ASMTL: variants seen among roughly 807,000 people sequenced by gnomAD.
ASMTL encodes the protein probable bifunctional dTTP/UTP pyrophosphatase/methyltransferase protein.
In ASMTL, 57 loss-of-function variants were observed where a neutral mutation model predicts 60.3. The observed-to-expected ratio is 0.95, with a 90% CI of 0.76 to 1.18. The LOEUF is 1.18. Among genes scored for constraint, ASMTL ranks in the 50% most tolerant of loss-of-function variants. ASMTL has a pLI of 0.00. For missense variants in ASMTL, 981 were observed against 852.6 expected, an observed-to-expected ratio of 1.15 and a Z score of -1.88; for synonymous variants, 419 against 373.0, an observed-to-expected ratio of 1.12 and a Z score of -1.42.
At chrX:1,420,810 T>C (rs5989859) in intron 9 of ASMTL, among the ~76,000 whole-genome samples, 53,526 of 152,042 alleles carry the variant, frequency 0.35, 10,655 homozygotes, top group South Asian at 0.63. Flanking sequence ...ATTTCTATTT[T>C]TCAGACAGAG....
intron 12 of ASMTL, among the ~76,000 whole-genome samples, chrX:1,407,615 G>A (rs2089915064): frequency 6.6e-6 from 1 of 152,096 alleles, no homozygotes; most frequent in Admixed American, 6.6e-5. Flanking sequence ...CAGACGCAGT[G>A]GCTCACACCT....
intron 3 of ASMTL, among the ~76,000 whole-genome samples, chrX:1,437,757 C>T (rs548919807): frequency 3.3e-5 from 5 of 150,788 alleles, no homozygotes; most frequent in African/African-American, 9.7e-5. Flanking sequence ...ATTAGCCACA[C>T]GTGGTCGCGC....
At chrX:1,415,867 CAT>C (rs1466989876) in intron 11 of ASMTL, among the ~76,000 whole-genome samples, 9 of 151,980 alleles carry the variant, frequency 5.9e-5, no homozygotes, top group African/African-American at 1.9e-4. Context: ...GGCACACACA[CAT>C]ATACCCATCC....
chrX:1,426,132 G>A (rs1490887944), intron 7 of ASMTL, among the ~76,000 whole-genome samples: 1 of 152,046 alleles, frequency 6.6e-6, no homozygotes, highest in Non-Finnish European at 1.5e-5. Flanking sequence ...ACACAGGGAC[G>A]ACCCTGTGAG....
chrX:1,410,765 C>T (rs1359348440), intron 12 of ASMTL, among the ~76,000 whole-genome samples: 3 of 148,686 alleles, frequency 2.0e-5, no homozygotes, highest in South Asian at 2.2e-4. Context: ...TGATGCATGC[C>T]TGTACTTCCA....
intron 11 of ASMTL, among the ~76,000 whole-genome samples, chrX:1,413,364 AAGC>A (rs1290117263): frequency 3.9e-5 from 6 of 152,154 alleles, no homozygotes; most frequent in Non-Finnish European, 5.9e-5. Context: ...GGGAGGAAAA[AAGC>A]AGGGAATTCA....
chrX:1,432,035 A>T (rs1183974002), intron 6 of ASMTL: 2 of 578,326 alleles, frequency 3.5e-6, no homozygotes, highest in Non-Finnish European at 6.2e-6. Context: ...ACCGCAGCCC[A>T]GCGTTGGCTC....
intron 2 of ASMTL, chrX:1,441,595 T>C (rs747956186): frequency 6.6e-6 from 1 of 152,492 alleles, no homozygotes; most frequent in African/African-American, 2.4e-5. Flanking sequence ...TTATAATACA[T>C]AGTAATAGAT....
chrX:1,450,176 C>A (rs1281763121), intron 1 of ASMTL, among the ~76,000 whole-genome samples: 1 of 151,616 alleles, frequency 6.6e-6, no homozygotes, highest in South Asian at 2.1e-4. Flanking sequence ...CCAGTAACTA[C>A]CCCCCATCAC....
Position 1,442,199 on chromosome X carries a change from T to G in ASMTL, c.212A>C (p.Asn71Thr), listed in dbSNP as rs200883990. 1 of 1,613,756 alleles carries G rather than the reference T, an allele frequency of 6.2e-7. No individual in the cohort carries two copies. Among genetic ancestry groups the G allele is most frequent in the African/African-American group, 1.3e-5 (1 of 75,030 alleles). Reference protein sequence around the residue: ...TAKQKALEVANRLYQKDLRAP... With the variant: ...TAKQKALEVATRLYQKDLRAP... ...GGGGCCCCTTGCCTGGTACAGCCGG[T>G]TGGCCACCTCCAGGGCCTTCTGCTT... Residue 71 changes from asparagine (N) to threonine (T), a missense_variant, in exon 2 of 13, where the codon AAC (asparagine) becomes ACC (threonine). By Grantham distance (65) the Asn-to-Thr change is moderately conservative. Transcript: ENST00000381317.
At position 1,442,256 on chromosome X, in the gene ASMTL, G is replaced by A. The variant is rs1214454821; in HGVS notation, c.155C>T (p.Ala52Val). 6.2e-7 allele frequency: 1 copy of A among 1,613,904 alleles called. No homozygotes were observed. Among genetic ancestry groups the A allele is most frequent in the Admixed American group, 1.7e-5 (1 of 60,014 alleles). ...CTCCATGGCGTACCCATACGGAGTA[G>A]CGAAGGAGGCTTTGTCCAGCTTCTC... ...FKEKLDKASF[A>V]TPYGYAMETA... Residue 52 changes from alanine to valine, a missense_variant, in exon 2 of 13, where the codon GCT (alanine) becomes GTT (valine). Transcript: ENST00000381317.
At chrX:1,418,883 G>T in intron 10 of ASMTL, 99 bp downstream of exon 10, 3 of 1,478,562 alleles carry the variant, frequency 2.0e-6, no homozygotes, top group Non-Finnish European at 2.8e-6. Context: ...TATCAGGTTT[G>T]TCAATGGAAA....
chrX:1,421,574 C>A, intron 9 of ASMTL, 84 bp downstream of exon 9: 1 of 1,444,048 alleles, frequency 6.9e-7, no homozygotes, highest in South Asian at 1.2e-5. Flanking sequence ...ACAGACTGGT[C>A]AAGGTGCCTA....
chrX:1,451,144 G>C lies in ASMTL; in HGVS notation c.93+1604C>G, dbSNP rs61496256. ...TCACTCTCCCCTCCCCATTCCTAGG[G>C]GGTCCTGGGACACTCCTCCCTCCCC... On this transcript the variant is annotated intron_variant, in intron 1 of 12. Coordinates refer to ENST00000381317, the MANE Select transcript of ASMTL (RefSeq NM_004192.4). Among the ~76,000 whole-genome samples, 3 of 67,952 alleles carry C rather than the reference G, an allele frequency of 4.4e-5. 1 individual carries two copies. The highest frequency in any genetic ancestry group is 2.3e-4 in the African/African-American group (3 of 13,032). The allele number at this position is 67,952 out of a possible 152,430, so 44.6% of individuals were successfully genotyped here.
intron 12 of ASMTL, among the ~76,000 whole-genome samples, chrX:1,406,986 G>T (rs2089878485): frequency 6.6e-6 from 1 of 151,384 alleles, no homozygotes; most frequent in African/African-American, 2.4e-5. Context: ...TAGATGAATG[G>T]ATGGATAGAT....
intron 11 of ASMTL, among the ~76,000 whole-genome samples, chrX:1,417,293 A>G (rs766484546): frequency 2.0e-4 from 8 of 40,368 alleles, no homozygotes; most frequent in African/African-American, 3.8e-4. Context: ...ATGCAGACAC[A>G]GACGGGCACA....
intron 12 of ASMTL, among the ~76,000 whole-genome samples, chrX:1,407,202 ATGGC>A (rs766985396): frequency 2.1e-4 from 31 of 149,732 alleles, no homozygotes; most frequent in African/African-American, 7.3e-4. Context: ...GATGAGATGG[ATGGC>A]TGGGTGAATA....
Position 1,425,663 on chromosome X carries a change from T to G in ASMTL, c.922A>C (p.Lys308Gln). ...TCATCTTTTAACAAATCGAACACCT[T>G]CAGTTTGCAAGCGGTGAGCAGGCCC... ...SKGLLTACKL[K>Q]VFDLLKDEAP... Residue 308 changes from lysine to glutamine, a missense_variant, in exon 8 of 13, where the codon AAG (lysine) becomes CAG (glutamine). Coordinates refer to ENST00000381317, the MANE Select transcript of ASMTL (RefSeq NM_004192.4). The G allele has an allele frequency of 6.2e-7, 1 of 1,613,640 alleles. No individual in the cohort carries two copies. The highest frequency in any genetic ancestry group is 8.5e-7 in the Non-Finnish European group (1 of 1,179,784).
chrX:1,434,500 A>AAAAG (rs1464324919), intron 5 of ASMTL, among the ~76,000 whole-genome samples: 9 of 149,436 alleles, frequency 6.0e-5, no homozygotes, highest in African/African-American at 1.2e-4. Context: ...AAAAAAAAAA[A>AAAAG]AAAGAAAGAA....
Sources: allele counts gnomAD v4.1 joint callset (sites outside exome capture counted in the v4.1 genomes callset), GRCh38; gene constraint gnomAD v4.1.1; transcripts MANE v1.5; gene names NCBI Gene and HGNC (gene_info 2026-07-23, HGNC 2026-07-21).